The following ZMYM2 variants were observed in gnomAD, a reference collection of about 807,000 sequenced individuals.
The protein encoded by ZMYM2 is zinc finger MYM-type containing 2.
Under a neutral mutation model 162.8 loss-of-function variants are expected in ZMYM2, and 56 were observed. The observed-to-expected ratio is 0.34, with a 90% confidence interval of 0.28 to 0.43. The LOEUF (loss-of-function observed/expected upper bound fraction) is 0.43. Ranked by LOEUF, ZMYM2 falls within the 20% of genes least tolerant of loss-of-function variation. ZMYM2 has a pLI of 1.00. For synonymous variants in ZMYM2, 510 were observed against 541.6 expected (o/e 0.94, Z 0.81); for missense variants, 1,275 against 1,621.8 (o/e 0.79, Z 3.67).
chr13:19,928,614 T>C, the ZMYM2 span, among the ~76,000 whole-genome samples: 1 of 152,044 alleles, frequency 6.6e-6, no homozygotes, highest in Non-Finnish European at 1.5e-5. Context: ...CTGGCCAACG[T>C]GGCAAAACCT....
At chr13:20,053,170 A>G (rs7998272) in intron 14 of ZMYM2, among the ~76,000 whole-genome samples, 69,290 of 152,032 alleles carry the variant, frequency 0.46, 17,793 homozygotes, top group East Asian at 0.68. Flanking sequence ...CCAGTGGTGG[A>G]TCCTGCTATT....
At chr13:19,945,345 G>C in the ZMYM2 span, among the ~76,000 whole-genome samples, 1 of 151,970 alleles carries the variant, frequency 6.6e-6, no homozygotes, top group Non-Finnish European at 1.5e-5. Flanking sequence ...TCTGCCTCCC[G>C]GGTTCAAGCA....
chr13:20,064,874 G>C (rs759950549), intron 19 of ZMYM2, among the ~76,000 whole-genome samples: 4 of 151,100 alleles, frequency 2.6e-5, no homozygotes, highest in Admixed American at 6.6e-5. Flanking sequence ...AACTTGTATT[G>C]ATACAAGGTC....
intron 21 of ZMYM2, among the ~76,000 whole-genome samples, chr13:20,075,452 C>T (rs532223095): frequency 6.6e-6 from 1 of 152,096 alleles, no homozygotes; most frequent in Non-Finnish European, 1.5e-5. Flanking sequence ...CTTACTCTTT[C>T]TCAAAGTAAC....
chr13:20,036,333 A>G (rs1285953917), intron 11 of ZMYM2, among the ~76,000 whole-genome samples: 2 of 152,104 alleles, frequency 1.3e-5, no homozygotes, highest in Non-Finnish European at 2.9e-5. Flanking sequence ...TGCCCACTTA[A>G]GTTGAATATC....
chr13:20,048,451 A>G (rs983180539), intron 12 of ZMYM2, among the ~76,000 whole-genome samples: 2 of 152,026 alleles, frequency 1.3e-5, no homozygotes, highest in African/African-American at 4.8e-5. Context: ...TTTGTAGCGA[A>G]TCACTCCATT....
chr13:20,012,908 G>C (rs1046042246), intron 6 of ZMYM2, among the ~76,000 whole-genome samples: 2 of 152,032 alleles, frequency 1.3e-5, no homozygotes, highest in South Asian at 4.1e-4. Context: ...CTCCAACTTT[G>C]TTTTTTGTCA....
the ZMYM2 span, among the ~76,000 whole-genome samples, chr13:19,870,657 T>C: frequency 6.6e-6 from 1 of 151,554 alleles, no homozygotes; most frequent in African/African-American, 2.4e-5. Context: ...CAGGCTGGTG[T>C]GCAGTGGCAC....
At chr13:19,932,083 A>G in the ZMYM2 span, among the ~76,000 whole-genome samples, 51 of 152,332 alleles carry the variant, frequency 3.3e-4, no homozygotes, top group Admixed American at 8.5e-4. Flanking sequence ...GAATTCCTTA[A>G]TGGTTTAATA....
chr13:19,905,451 A>T, the ZMYM2 span, among the ~76,000 whole-genome samples: 1 of 152,140 alleles, frequency 6.6e-6, no homozygotes, highest in African/African-American at 2.4e-5. Flanking sequence ...TTGTATGTGG[A>T]AACCAACCAA....
chr13:20,059,011 C>A, intron 15 of ZMYM2: 1 of 446,612 alleles, frequency 2.2e-6, no homozygotes, highest in Non-Finnish European at 4.1e-6. Context: ...AAAATCATCT[C>A]TTTGCATGTG....
At position 20,017,994 on chromosome 13, in the gene ZMYM2, A is replaced by G. The variant is rs370264275; in HGVS notation, c.1513-1553A>G. Among the ~76,000 whole-genome samples, 272 of 152,242 alleles carry G rather than the reference A, an allele frequency of 1.8e-3. 1 individual carries two copies. Among genetic ancestry groups the G allele is most frequent in the African/African-American group, 6.2e-3 (256 of 41,552 alleles). ...TTGAAACTTGAACATTTTGAGTACT[A>G]TGGTATTGCCAAGTGGAGTTAAAAG... On this transcript the variant is annotated intron_variant, in intron 6 of 24. Transcript: ENST00000610343.
the ZMYM2 span, among the ~76,000 whole-genome samples, chr13:19,898,004 T>C: frequency 6.6e-6 from 1 of 152,080 alleles, no homozygotes; most frequent in Non-Finnish European, 1.5e-5. Flanking sequence ...ACCTAACAGA[T>C]ATTTACAGAA....
the ZMYM2 span, among the ~76,000 whole-genome samples, chr13:19,947,531 C>G: frequency 6.7e-6 from 1 of 149,704 alleles, no homozygotes; most frequent in Non-Finnish European, 1.5e-5. Flanking sequence ...ATGATCTTGG[C>G]TCACTGCAAC....
At chr13:20,030,666 G>A (rs1023921409) in intron 9 of ZMYM2, among the ~76,000 whole-genome samples, 18 of 152,044 alleles carry the variant, frequency 1.2e-4, no homozygotes, top group African/African-American at 3.9e-4. Flanking sequence ...CCAAAGTGCC[G>A]GGATTACAGG....
chr13:20,058,552 T>C (rs779467340), intron 14 of ZMYM2, 23 bp from the exon 15 acceptor site: 1 of 1,598,620 alleles, frequency 6.3e-7, no homozygotes. Flanking sequence ...AAAATAAAAA[T>C]GTTTCTCTTT....
At chr13:20,053,999 T>TC (rs1955586513) in intron 14 of ZMYM2, among the ~76,000 whole-genome samples, 1 of 152,196 alleles carries the variant, frequency 6.6e-6, no homozygotes, top group Non-Finnish European at 1.5e-5. Flanking sequence ...ATTTTTCTCC[T>TC]CCTACAGCAC....
At chr13:20,010,732 C>T (rs1012338347) in intron 6 of ZMYM2, among the ~76,000 whole-genome samples, 4 of 152,100 alleles carry the variant, frequency 2.6e-5, no homozygotes, top group Non-Finnish European at 5.9e-5. Context: ...CCTCTGCCTC[C>T]TGGGTTCAAG....
chr13:19,924,806 A>G, the ZMYM2 span, among the ~76,000 whole-genome samples: 4 of 152,106 alleles, frequency 2.6e-5, no homozygotes. Flanking sequence ...ACTGGGTTTC[A>G]ATTCTTCTGG....
Sources: allele counts gnomAD v4.1 joint callset (sites outside exome capture counted in the v4.1 genomes callset), GRCh38; gene constraint gnomAD v4.1.1; transcripts MANE v1.5; gene names NCBI Gene and HGNC (gene_info 2026-07-23, HGNC 2026-07-21).